THSD7A: variants seen among roughly 807,000 people sequenced by gnomAD.
THSD7A encodes thrombospondin type-1 domain-containing protein 7A.
A neutral mutation model predicts 231.3 loss-of-function variants in THSD7A; 96 were observed. The ratio of observed to expected loss-of-function variants is 0.41; its 90% CI spans 0.35 to 0.49. The LOEUF is 0.49. Among genes scored for constraint, THSD7A ranks in the 20% least tolerant of loss-of-function variants. The pLI is 0.05. For missense variants in THSD7A, 2,290 were observed against 2,070.2 expected, an observed-to-expected ratio of 1.11 and a Z score of -2.06; for synonymous variants, 940 against 743.3, an observed-to-expected ratio of 1.26 and a Z score of -4.30.
intron 13 of THSD7A, among the ~76,000 whole-genome samples, chr7:11,440,521 A>G (rs1784770641): frequency 6.6e-6 from 1 of 152,062 alleles, no homozygotes; most frequent in African/African-American, 2.4e-5. Flanking sequence ...AACATTCATG[A>G]TTCATGGAAG....
intron 7 of THSD7A, among the ~76,000 whole-genome samples, chr7:11,480,064 C>G (rs1341439437): frequency 6.6e-6 from 1 of 152,100 alleles, no homozygotes; most frequent in Non-Finnish European, 1.5e-5. Flanking sequence ...TCAATTAAAA[C>G]AGAACTATAT....
intron 4 of THSD7A, among the ~76,000 whole-genome samples, chr7:11,581,423 T>G (rs1285188828): frequency 1.3e-5 from 2 of 152,126 alleles, no homozygotes; most frequent in Non-Finnish European, 1.5e-5. Context: ...GACACCAATA[T>G]ACACCATGAA....
At chr7:11,787,443 G>T (rs1044070040) in intron 1 of THSD7A, among the ~76,000 whole-genome samples, 3 of 151,946 alleles carry the variant, frequency 2.0e-5, no homozygotes, top group African/African-American at 7.3e-5. Context: ...TATTCTCTGG[G>T]AAGACACTGC....
At chr7:11,567,384 G>C (rs562470787) in intron 4 of THSD7A, among the ~76,000 whole-genome samples, 1 of 152,104 alleles carries the variant, frequency 6.6e-6, no homozygotes, top group Non-Finnish European at 1.5e-5. Flanking sequence ...AAAAACCGCC[G>C]TCATGATTCA....
intron 13 of THSD7A, 21 bp from the exon 14 acceptor site, chr7:11,429,146 C>A (rs370655369): frequency 6.5e-7 from 1 of 1,538,976 alleles, no homozygotes; most frequent in African/African-American, 1.4e-5. Context: ...GAAAATGAGA[C>A]AAGAATCATC....
At chr7:11,663,213 T>C (rs987752673) in intron 1 of THSD7A, among the ~76,000 whole-genome samples, 7 of 151,136 alleles carry the variant, frequency 4.6e-5, no homozygotes, top group African/African-American at 1.7e-4. Flanking sequence ...TCTTCAGACA[T>C]AAAAAAATAA....
At chr7:11,757,660 A>G (rs906377988) in intron 1 of THSD7A, among the ~76,000 whole-genome samples, 1 of 151,990 alleles carries the variant, frequency 6.6e-6, no homozygotes, top group African/African-American at 2.4e-5. Flanking sequence ...AGAGGTATTT[A>G]AGAAAAGTAA....
chr7:11,595,300 T>A (rs1780319748), intron 2 of THSD7A, among the ~76,000 whole-genome samples: 1 of 152,132 alleles, frequency 6.6e-6, no homozygotes, highest in African/African-American at 2.4e-5. Context: ...AATTCTCTAA[T>A]TAATATAAAC....
chr7:11,579,663 C>T (rs1306852571), intron 4 of THSD7A, among the ~76,000 whole-genome samples: 1 of 152,074 alleles, frequency 6.6e-6, no homozygotes, highest in Non-Finnish European at 1.5e-5. Flanking sequence ...AGCTTAAATA[C>T]TAGCAAAGTA....
At chr7:11,754,581 C>T (rs1401253997) in intron 1 of THSD7A, among the ~76,000 whole-genome samples, 5 of 152,006 alleles carry the variant, frequency 3.3e-5, no homozygotes, top group Non-Finnish European at 7.4e-5. Flanking sequence ...ACTTTTATTT[C>T]TGCTTTTATG....
At chr7:11,587,691 C>G (rs1315415339) in intron 4 of THSD7A, among the ~76,000 whole-genome samples, 1 of 152,034 alleles carries the variant, frequency 6.6e-6, no homozygotes, top group Non-Finnish European at 1.5e-5. Context: ...ATTTTTCTGT[C>G]CCTTATGGTG....
At chr7:11,510,269 G>C (rs1024816339) in intron 6 of THSD7A, among the ~76,000 whole-genome samples, 2 of 152,156 alleles carry the variant, frequency 1.3e-5, no homozygotes. Context: ...CTCTGAAGTT[G>C]AGGCAATAAT....
At chr7:11,591,851 A>C (rs1180140161) in intron 3 of THSD7A, among the ~76,000 whole-genome samples, 2 of 152,196 alleles carry the variant, frequency 1.3e-5, no homozygotes, top group African/African-American at 4.8e-5. Context: ...GTTCTAAATA[A>C]ATTGAAGTTC....
chr7:11,760,574 A>C (rs917083114), intron 1 of THSD7A, among the ~76,000 whole-genome samples: 4 of 152,050 alleles, frequency 2.6e-5, no homozygotes, highest in Non-Finnish European at 5.9e-5. Flanking sequence ...ATTGCAGAAC[A>C]CCAGCCTCAC....
At chr7:11,466,014 G>A (rs1785690582) in intron 9 of THSD7A, among the ~76,000 whole-genome samples, 1 of 151,948 alleles carries the variant, frequency 6.6e-6, no homozygotes. Flanking sequence ...TTTTTCAAGG[G>A]GTATTTTAGA....
intron 1 of THSD7A, among the ~76,000 whole-genome samples, chr7:11,708,747 T>A (rs1780851516): frequency 6.6e-6 from 1 of 150,840 alleles, no homozygotes; most frequent in Non-Finnish European, 1.5e-5. Context: ...TCATTTCTTG[T>A]ATTATGATCC....
intron 16 of THSD7A, among the ~76,000 whole-genome samples, chr7:11,424,445 A>T (rs1281618518): frequency 6.6e-6 from 1 of 152,252 alleles, no homozygotes; most frequent in African/African-American, 2.4e-5. Context: ...ATTAGTTCAG[A>T]TTGAATATGC....
At chr7:11,504,930 C>G (rs756236598) in intron 6 of THSD7A, among the ~76,000 whole-genome samples, 5 of 151,758 alleles carry the variant, frequency 3.3e-5, no homozygotes, top group Non-Finnish European at 5.9e-5. Flanking sequence ...GGTAAACAAT[C>G]CAAAACACTT....
intron 1 of THSD7A, among the ~76,000 whole-genome samples, chr7:11,777,858 A>G (rs1783468228): frequency 6.6e-6 from 1 of 152,116 alleles, no homozygotes; most frequent in Non-Finnish European, 1.5e-5. Context: ...TTCTACAGAA[A>G]GAAAGCCCTG....
Sources: allele counts gnomAD v4.1 joint callset (sites outside exome capture counted in the v4.1 genomes callset), GRCh38; gene constraint gnomAD v4.1.1; transcripts MANE v1.5; gene names NCBI Gene and HGNC (gene_info 2026-07-23, HGNC 2026-07-21).